Variants in SNAP25 observed in about 807,000 individuals in gnomAD.
The protein encoded by SNAP25 is synaptosomal-associated protein 25.
Under a neutral mutation model 28.7 loss-of-function variants are expected in SNAP25, and 3 were observed. That is an observed-to-expected ratio of 0.10 (90% CI 0.05 to 0.27). The LOEUF (loss-of-function observed/expected upper bound fraction) is 0.27, where lower values mean the gene tolerates loss of function less well. Ranked by LOEUF, SNAP25 falls within the 10% of genes least tolerant of loss-of-function variation. The probability of loss-of-function intolerance (pLI) is 1.00; values close to 1 mark genes in which losing one functional copy is unlikely to be tolerated. For missense variants in SNAP25, 117 were observed against 278.7 expected (o/e 0.42, Z 4.13); for synonymous variants, 61 against 88.1 (o/e 0.69, Z 1.72).
intron 1 of SNAP25, among the ~76,000 whole-genome samples, chr20:10,274,456 T>C (rs992111148): frequency 3.9e-5 from 6 of 152,220 alleles, no homozygotes; most frequent in African/African-American, 9.6e-5. Flanking sequence ...AAAATAATTA[T>C]GCTAAGTGAA....
At chr20:10,305,332 A>G (rs964813357) in intron 7 of SNAP25, among the ~76,000 whole-genome samples, 23 of 152,294 alleles carry the variant, frequency 1.5e-4, no homozygotes, top group African/African-American at 5.5e-4. Context: ...GCTTGAGCCC[A>G]GGAGTTTGAG....
Position 10,293,692 on chromosome 20 carries a change from A to T in SNAP25, c.281+414A>T, listed in dbSNP as rs1049520163. 6.6e-6 allele frequency among the ~76,000 whole-genome samples: 1 copy of T among 152,210 alleles called. No individual in the cohort carries two copies. Among genetic ancestry groups the T allele is most frequent in the Admixed American group, 6.5e-5 (1 of 15,280 alleles). ...ATGCGAAGGTTTGATTTTTTCCAAA[A>T]TAAAAGAGACAGGTAATTTGGCCCA... On this transcript the variant is annotated intron_variant, in intron 5 of 7. Transcript: ENST00000254976. The surrounding 1 kb of genome is among the most constrained non-coding windows in gnomAD (Gnocchi z 5.6).
chr20:10,243,479 T>G (rs1237116470), intron 1 of SNAP25, among the ~76,000 whole-genome samples: 1 of 152,198 alleles, frequency 6.6e-6, no homozygotes. Flanking sequence ...ATGTCTCCCC[T>G]GTTTTCTTTA....
intron 1 of SNAP25, among the ~76,000 whole-genome samples, chr20:10,250,927 T>C (rs2063215573): frequency 6.6e-6 from 1 of 152,202 alleles, no homozygotes; most frequent in Non-Finnish European, 1.5e-5. Flanking sequence ...GGCTATACCA[T>C]ATAGCCTAGG....
At chr20:10,267,036 A>C (rs1405822276) in intron 1 of SNAP25, among the ~76,000 whole-genome samples, 1 of 152,174 alleles carries the variant, frequency 6.6e-6, no homozygotes, top group Non-Finnish European at 1.5e-5. Flanking sequence ...CAAATTCCAA[A>C]CAGTAAAAAT....
At chr20:10,271,134 T>C (rs572286021) in intron 1 of SNAP25, among the ~76,000 whole-genome samples, 1 of 152,212 alleles carries the variant, frequency 6.6e-6, no homozygotes, top group Non-Finnish European at 1.5e-5. Flanking sequence ...ACACACAAGA[T>C]GGCAGTTTAT....
At position 10,296,831 on chromosome 20, in the gene SNAP25, C is replaced by T. The variant is rs362997; in HGVS notation, c.282-94C>T. The T allele has an allele frequency of 5.4e-4, 855 of 1,576,550 alleles. 8 individuals carry two copies. The African/African-American group carries it at 9.7e-3, about 18-fold the overall frequency. ...CTAATGCCTCGACTTAAAACTCATTCGCTTGGTTCGATTCTTCGCTTGAAG... is the reference window on the plus strand; with the variant it reads ...CTAATGCCTCGACTTAAAACTCATTTGCTTGGTTCGATTCTTCGCTTGAAG... On this transcript the variant is annotated intron_variant, in intron 5 of 7. Transcript: ENST00000254976.
chr20:10,301,813 G>A (rs1046260657), intron 7 of SNAP25, among the ~76,000 whole-genome samples: 1 of 146,930 alleles, frequency 6.8e-6, no homozygotes, highest in Non-Finnish European at 1.5e-5. Context: ...CTGCTTAAGG[G>A]TATTTATGTA....
At position 10,272,802 on chromosome 20, in the gene SNAP25, TA is replaced by T. The variant is rs200511381; in HGVS notation, c.-63-2625del. ...TATTTGTTTAATGCCAGTGGTAGAATAAGGCAACCCTGAAGTTTTGTTATTT... is the reference window on the plus strand; with the variant it reads ...TATTTGTTTAATGCCAGTGGTAGAATAGGCAACCCTGAAGTTTTGTTATTT... On this transcript the variant is annotated intron_variant, in intron 1 of 7. Transcript: ENST00000254976. Among the ~76,000 whole-genome samples, 1,072 of 152,274 alleles carry T rather than the reference TA, an allele frequency of 7.0e-3. 15 individuals are homozygous for T. Among genetic ancestry groups the T allele is most frequent in the Non-Finnish European group, 6.9e-3 (467 of 68,012 alleles).
At chr20:10,279,129 A>G (rs1452220216) in intron 3 of SNAP25, among the ~76,000 whole-genome samples, 1 of 152,202 alleles carries the variant, frequency 6.6e-6, no homozygotes, top group Non-Finnish European at 1.5e-5. Flanking sequence ...GCTCATGCAG[A>G]AATACTTGAG....
intron 4 of SNAP25, among the ~76,000 whole-genome samples, chr20:10,288,804 A>G (rs2063935306): frequency 6.6e-6 from 1 of 151,880 alleles, no homozygotes; most frequent in Non-Finnish European, 1.5e-5. Context: ...CATTTATAGT[A>G]TAATAGGAAC....
At chr20:10,301,867 TTATATAA>T (rs971868858) in intron 7 of SNAP25, among the ~76,000 whole-genome samples, 9 of 145,322 alleles carry the variant, frequency 6.2e-5, no homozygotes, top group African/African-American at 1.0e-4. Flanking sequence ...ACTATATATA[TTATATAA>T]TATATAATAT....
intron 1 of SNAP25, among the ~76,000 whole-genome samples, chr20:10,270,582 C>A (rs568828405): frequency 5.4e-4 from 82 of 152,204 alleles, no homozygotes; most frequent in African/African-American, 2.0e-3. Context: ...CACCTGTAAT[C>A]CCAGCTGCTT....
intron 1 of SNAP25, chr20:10,219,442 G>C (rs923594075): frequency 2.0e-5 from 3 of 152,236 alleles, no homozygotes; most frequent in African/African-American, 7.2e-5. Context: ...GGGAGTTCCC[G>C]CCCCGGGCAA....
At chr20:10,241,980 T>A (rs1361543816) in intron 1 of SNAP25, among the ~76,000 whole-genome samples, 1 of 152,004 alleles carries the variant, frequency 6.6e-6, no homozygotes, top group Non-Finnish European at 1.5e-5. Context: ...TGACTATGGG[T>A]GAAGCAACCT....
chr20:10,277,078 C>G (rs1187681000), intron 2 of SNAP25, among the ~76,000 whole-genome samples: 1 of 152,296 alleles, frequency 6.6e-6, no homozygotes, highest in East Asian at 1.9e-4. Context: ...ACGCAGTGCC[C>G]GGGGGACCAT....
At chr20:10,243,964 A>C (rs2063081490) in intron 1 of SNAP25, among the ~76,000 whole-genome samples, 1 of 152,100 alleles carries the variant, frequency 6.6e-6, no homozygotes, top group African/African-American at 2.4e-5. Flanking sequence ...AAACTTTCTC[A>C]AATGATCTAG....
intron 1 of SNAP25, among the ~76,000 whole-genome samples, chr20:10,267,277 T>A (rs1334819944): frequency 6.6e-6 from 1 of 152,052 alleles, no homozygotes; most frequent in African/African-American, 2.4e-5. Context: ...AAGTATACTA[T>A]ACCCAGAACA....
intron 1 of SNAP25, among the ~76,000 whole-genome samples, chr20:10,223,362 T>A (rs534677610): frequency 7.9e-5 from 12 of 152,204 alleles, no homozygotes; most frequent in Non-Finnish European, 1.6e-4. Context: ...TGGGTTCATG[T>A]AGAGGAAGAA....
Sources: gnomAD v4.1 joint callset for allele counts (sites outside exome capture counted in the v4.1 genomes callset) on GRCh38, gnomAD v4.1.1 for gene constraint, Gnocchi (gnomAD v3.1) non-coding constraint, MANE v1.5 for transcripts, NCBI Gene and HGNC (gene_info 2026-07-23, HGNC 2026-07-21) for gene names.